Variants in RELN observed in about 807,000 individuals in gnomAD.
RELN encodes reelin.
A neutral mutation model predicts 427.6 loss-of-function variants in RELN; 108 were observed. That is an observed-to-expected ratio of 0.25 (90% CI 0.22 to 0.30). RELN has a LOEUF of 0.30. RELN is among the 10% of genes least tolerant of loss of function. The probability of loss-of-function intolerance (pLI) is 1.00; values close to 1 mark genes in which losing one functional copy is unlikely to be tolerated. For missense variants in RELN, 3,715 were observed against 4,302.8 expected, an observed-to-expected ratio of 0.86 and a Z score of 3.82; for synonymous variants, 1,524 against 1,513.4, an observed-to-expected ratio of 1.01 and a Z score of -0.16.
At chr7:103,653,363 T>G (rs925534060) in intron 13 of RELN, among the ~76,000 whole-genome samples, 1 of 152,078 alleles carries the variant, frequency 6.6e-6, no homozygotes, top group Non-Finnish European at 1.5e-5. Context: ...TGCTGGATAT[T>G]CACTCTGGTT....
chr7:103,672,800 G>A (rs1833423060), intron 11 of RELN, among the ~76,000 whole-genome samples: 1 of 152,032 alleles, frequency 6.6e-6, no homozygotes, highest in Non-Finnish European at 1.5e-5. Flanking sequence ...ATTACTGATA[G>A]TGATTATGTT....
intron 2 of RELN, among the ~76,000 whole-genome samples, chr7:103,856,441 T>G (rs193017972): frequency 6.6e-6 from 1 of 151,578 alleles, no homozygotes; most frequent in Non-Finnish European, 1.5e-5. Flanking sequence ...TGGTGGTGCA[T>G]GCCTGTAATC....
intron 10 of RELN, among the ~76,000 whole-genome samples, chr7:103,687,001 T>C (rs1408544176): frequency 1.3e-5 from 2 of 152,128 alleles, no homozygotes; most frequent in African/African-American, 2.4e-5. Context: ...GATTCAACCA[T>C]GGTGAGTGAA....
At chr7:103,797,139 G>A (rs1792324963) in intron 3 of RELN, among the ~76,000 whole-genome samples, 1 of 151,994 alleles carries the variant, frequency 6.6e-6, no homozygotes, top group African/African-American at 2.4e-5. Flanking sequence ...AGGCTGGAGT[G>A]CAATGGTGCT....
At chr7:103,579,430 C>T (rs1831077555) in intron 28 of RELN, among the ~76,000 whole-genome samples, 1 of 152,038 alleles carries the variant, frequency 6.6e-6, no homozygotes, top group Admixed American at 6.6e-5. Flanking sequence ...GAAACCCCAT[C>T]TCTACTAAAA....
intron 10 of RELN, among the ~76,000 whole-genome samples, chr7:103,686,781 G>A (rs947708502): frequency 1.3e-5 from 2 of 152,052 alleles, no homozygotes; most frequent in Non-Finnish European, 2.9e-5. Flanking sequence ...CAGTTCAACA[G>A]ACTTTAAAGG....
intron 11 of RELN, among the ~76,000 whole-genome samples, chr7:103,674,032 GCTT>G (rs1464697032): frequency 1.3e-5 from 2 of 150,106 alleles, no homozygotes; most frequent in Non-Finnish European, 3.0e-5. Context: ...ATTCCTTCTG[GCTT>G]CTTCTTTAAT....
chr7:103,477,661 C>T (rs1012054888), intron 64 of RELN, among the ~76,000 whole-genome samples: 9 of 152,216 alleles, frequency 5.9e-5, no homozygotes, highest in African/African-American at 2.2e-4. Context: ...TTTCTCTTCT[C>T]TGCTAAATGG....
chr7:103,949,126 C>T (rs1796282675), intron 1 of RELN, among the ~76,000 whole-genome samples: 1 of 150,752 alleles, frequency 6.6e-6, no homozygotes, highest in Non-Finnish European at 1.5e-5. Flanking sequence ...TGTGTATACA[C>T]ACACACATTG....
chr7:103,909,810 A>AAT (rs1457881242), intron 2 of RELN, among the ~76,000 whole-genome samples: 2 of 51,640 alleles, frequency 3.9e-5, no homozygotes, highest in Admixed American at 3.0e-4. Context: ...ATTAATATAT[A>AAT]ATATTATATA....
chr7:103,636,123 G>T, intron 18 of RELN, 112 bp downstream of exon 18: 1 of 816,362 alleles, frequency 1.2e-6, no homozygotes, highest in Non-Finnish European at 2.1e-6. Flanking sequence ...TCCAACCCTA[G>T]TTAAAAATGA....
chr7:103,597,161 A>G (rs1000524763), intron 24 of RELN, among the ~76,000 whole-genome samples: 1 of 152,192 alleles, frequency 6.6e-6, no homozygotes, highest in African/African-American at 2.4e-5. Flanking sequence ...TGTTGTGACA[A>G]TTAGATGAAA....
At chr7:103,830,591 G>A (rs969489659) in intron 3 of RELN, among the ~76,000 whole-genome samples, 4 of 151,666 alleles carry the variant, frequency 2.6e-5, no homozygotes, top group Admixed American at 6.6e-5. Context: ...ATTCCTGGGC[G>A]CTTGCTAATT....
rs1350082662 is a variant in RELN at position 103,491,852 on chromosome 7, TCTCTCA to T, written c.9443+95_9443+100del. The T allele has an allele frequency of 1.3e-3, 550 of 439,426 alleles. 1 individual carries two copies. Among genetic ancestry groups the T allele is most frequent in the Non-Finnish European group, 1.8e-3 (475 of 260,818 alleles). 27.2% of individuals were successfully genotyped at this position (439,426 alleles called of 1,614,324 possible). On this transcript the variant is annotated intron_variant, in intron 58 of 64. Transcript: ENST00000428762. ...CTCTCTCTCTCTCTCTCTCTCTCTCTCTCTCACACACACACACACACACACACACAC... is the reference window on the plus strand; with the variant it reads ...CTCTCTCTCTCTCTCTCTCTCTCTCTCACACACACACACACACACACACAC...
At chr7:103,936,092 T>G in intron 1 of RELN, among the ~76,000 whole-genome samples, 1 of 134,756 alleles carries the variant, frequency 7.4e-6, no homozygotes, top group Non-Finnish European at 1.6e-5. Context: ...ATGAATTGCT[T>G]CAATGGCTTT....
intron 1 of RELN, among the ~76,000 whole-genome samples, chr7:103,926,935 G>A (rs770737300): frequency 1.5e-4 from 23 of 152,058 alleles, no homozygotes; most frequent in Non-Finnish European, 2.9e-4. Flanking sequence ...GTGAGCCACC[G>A]TGCCCAGCCT....
chr7:103,657,054 T>G (rs1833036633), intron 12 of RELN, among the ~76,000 whole-genome samples: 1 of 152,104 alleles, frequency 6.6e-6, no homozygotes. Context: ...CATTGAAATC[T>G]GGCATGCTAC....
chr7:103,963,079 G>A lies in RELN; in HGVS notation c.226+26052C>T, dbSNP rs140269096. ...TGGGAACAATAAGACAATCTGGAAA[G>A]CCTCGAAACCAGGCTGCCTTAGACA... On this transcript the variant is annotated intron_variant, in intron 1 of 64. Transcript: ENST00000428762. Among the ~76,000 whole-genome samples, 848 of 151,218 alleles carry A rather than the reference G, an allele frequency of 5.6e-3. 4 individuals are homozygous for A. The highest frequency in any genetic ancestry group is 9.2e-3 in the Non-Finnish European group (622 of 67,858).
chr7:103,559,347 A>G (rs1830592125), intron 36 of RELN, among the ~76,000 whole-genome samples: 2 of 152,198 alleles, frequency 1.3e-5, no homozygotes, highest in East Asian at 3.8e-4. Context: ...ATTGTAATGA[A>G]AACGCAACTG....
Sources: gnomAD v4.1 joint callset for allele counts (sites outside exome capture counted in the v4.1 genomes callset) on GRCh38, gnomAD v4.1.1 for gene constraint, MANE v1.5 for transcripts, NCBI Gene and HGNC (gene_info 2026-07-23, HGNC 2026-07-21) for gene names.